Variants in LRIG1 observed in about 807,000 individuals in gnomAD.
LRIG1 encodes leucine rich repeats and immunoglobulin like domains 1.
In LRIG1, 48 loss-of-function variants were observed where a neutral mutation model predicts 99.2. The ratio of observed to expected loss-of-function variants is 0.48; its 90% CI spans 0.38 to 0.62. The LOEUF is 0.62. Among genes scored for constraint, LRIG1 ranks in the 20% least tolerant of loss-of-function variants. The pLI, the probability that LRIG1 is intolerant of heterozygous loss-of-function variation, is 0.00. For missense variants in LRIG1, 1,646 were observed against 1,434.4 expected, an observed-to-expected ratio of 1.15 and a Z score of -2.38; for synonymous variants, 772 against 596.1, an observed-to-expected ratio of 1.29 and a Z score of -4.30.
Position 66,380,210 on chromosome 3 carries a change from C to CT in LRIG1, c.*52dup. Reference sequence around the variant, plus strand: ...AACCCAAGCTTCCTCGCAGCCTCTCCTACCTCTCTTTCCCGTAGAGATTGG... The same window carrying CT: ...AACCCAAGCTTCCTCGCAGCCTCTCCTTACCTCTCTTTCCCGTAGAGATTGG... On this transcript the variant is annotated 3_prime_UTR_variant, in exon 19 of 19. Transcript: ENST00000273261. 3 of 1,484,138 alleles carry CT rather than the reference C, an allele frequency of 2.0e-6. No individual in the cohort carries two copies. The highest frequency in any genetic ancestry group is 2.8e-6 in the Non-Finnish European group (3 of 1,087,154). 91.9% of individuals were successfully genotyped at this position (1,484,138 alleles called of 1,614,324 possible). A position where few individuals can be genotyped will look rare whatever the true frequency, so the allele number is the denominator to read the frequency against.
Position 66,380,765 on chromosome 3 carries a change from C to T in LRIG1, c.2867G>A (p.Ser956Asn), listed in dbSNP as rs749143043. ...GCCATTTGGCGCACTTGGCTGTGCG[C>T]TGTCTCTGGACACAGGCTGGGGGTG... ...AFHPQPVSRD[S>N]AQPSAPNGPE... The change falls in exon 18 of 19, where the codon AGC becomes AAC. Residue 956 changes from serine (S) to asparagine (N), a missense_variant. Transcript: ENST00000273261. The T allele has an allele frequency of 3.1e-6, 5 of 1,614,252 alleles. No individual in the cohort carries two copies. The highest frequency in any genetic ancestry group is 3.4e-6 in the Non-Finnish European group (4 of 1,180,038).
At chr3:66,425,706 G>A (rs1000607015) in intron 3 of LRIG1, among the ~76,000 whole-genome samples, 5 of 152,144 alleles carry the variant, frequency 3.3e-5, no homozygotes, top group African/African-American at 1.2e-4. Context: ...TGGGGACCGG[G>A]GGAAGTGTGT....
rs139838731 is a variant in LRIG1 at position 66,490,132 on chromosome 3, T to C, written c.218+10058A>G. On this transcript the variant is annotated intron_variant, in intron 1 of 18. Coordinates refer to ENST00000273261, the MANE Select transcript of LRIG1 (RefSeq NM_015541.3). Reference sequence around the variant, plus strand: ...CATAGAAGAGTCTCTGATTTTTCCATTGGGTAAAGCATAGCCCTGGATAAG... The same window carrying C: ...CATAGAAGAGTCTCTGATTTTTCCACTGGGTAAAGCATAGCCCTGGATAAG... 3.8e-3 allele frequency among the ~76,000 whole-genome samples: 582 copies of C among 152,320 alleles called. 3 individuals are homozygous for C. The highest frequency in any genetic ancestry group is 0.013 in the African/African-American group (530 of 41,588).
At chr3:66,438,142 C>T (rs1703420006) in intron 3 of LRIG1, among the ~76,000 whole-genome samples, 1 of 152,146 alleles carries the variant, frequency 6.6e-6, no homozygotes, top group African/African-American at 2.4e-5. Flanking sequence ...CTTGGGGAAC[C>T]CCTGTAGAGA....
At chr3:66,394,838 C>T (rs1280790029) in intron 11 of LRIG1, among the ~76,000 whole-genome samples, 1 of 152,222 alleles carries the variant, frequency 6.6e-6, no homozygotes, top group Non-Finnish European at 1.5e-5. Flanking sequence ...TTGATCTTTG[C>T]ACCAGTATTC....
At chr3:66,496,705 T>C (rs1345436506) in intron 1 of LRIG1, among the ~76,000 whole-genome samples, 10 of 152,110 alleles carry the variant, frequency 6.6e-5, no homozygotes, top group Non-Finnish European at 1.5e-4. Flanking sequence ...GAGAAGGAAA[T>C]ATTTCAGGAC....
intron 12 of LRIG1, chr3:66,386,927 G>A (rs1011410742): frequency 1.3e-5 from 2 of 151,668 alleles, no homozygotes; most frequent in Non-Finnish European, 2.9e-5. Context: ...CAGCTCCATG[G>A]TAGCCTTGAA....
intron 3 of LRIG1, 30 bp downstream of exon 3, chr3:66,451,529 G>A (rs1250589220): frequency 3.7e-6 from 6 of 1,608,080 alleles, no homozygotes; most frequent in Non-Finnish European, 5.1e-6. Context: ...CCACCACACA[G>A]CCCAGAGTCC....
rs1463911171 is a variant in LRIG1, at chr3:66,386,276, G to A, written c.1494C>T (p.Ile498=). The change falls in exon 13 of 19, where the codon ATC becomes ATT. Residue 498 remains isoleucine (I), a synonymous_variant. Transcript: ENST00000273261. ...TAGCCATGGTGGTTTCTGGCTGGGT[G>A]ATGATCTGTGGCTTCAGGAAGTCAT... ...VCDDFLKPQI[I]TQPETTMAMV... The A allele has an allele frequency of 3.7e-6, 6 of 1,614,082 alleles. No homozygotes were observed. The highest frequency in any genetic ancestry group is 4.5e-5 in the East Asian group (2 of 44,880).
intron 3 of LRIG1, among the ~76,000 whole-genome samples, chr3:66,444,940 T>A (rs1703667152): frequency 6.6e-6 from 1 of 151,636 alleles, no homozygotes; most frequent in Non-Finnish European, 1.5e-5. Context: ...TATATACACA[T>A]ATATATACGT....
intron 3 of LRIG1, among the ~76,000 whole-genome samples, chr3:66,443,555 G>A (rs1228054554): frequency 6.6e-6 from 1 of 152,100 alleles, no homozygotes; most frequent in Admixed American, 6.5e-5. Context: ...CAGCTAAAAT[G>A]TCACTTCATC....
intron 1 of LRIG1, among the ~76,000 whole-genome samples, chr3:66,467,777 G>A (rs1381193337): frequency 6.6e-6 from 1 of 152,212 alleles, no homozygotes. Context: ...ACTGTGCTGT[G>A]TCTGAATTAC....
intron 3 of LRIG1, among the ~76,000 whole-genome samples, chr3:66,446,460 C>T (rs1395501602): frequency 7.0e-6 from 1 of 143,592 alleles, no homozygotes; most frequent in African/African-American, 2.6e-5. Context: ...GGCTAGAGTG[C>T]AATGGTGCGA....
intron 11 of LRIG1, among the ~76,000 whole-genome samples, chr3:66,396,728 T>C (rs953589935): frequency 4.6e-5 from 7 of 152,202 alleles, no homozygotes; most frequent in Admixed American, 6.5e-5. Flanking sequence ...CTTCTTCCCG[T>C]TTAAATTGAA....
At chr3:66,468,402 T>C (rs9847455) in intron 1 of LRIG1, among the ~76,000 whole-genome samples, 7,528 of 152,270 alleles carry the variant, frequency 0.049, 601 homozygotes, top group African/African-American at 0.17. Context: ...GTGGAAGGAA[T>C]TGGTCCTAAA....
At chr3:66,405,411 G>T in intron 8 of LRIG1, 133 bp from the exon 9 acceptor site, 1 of 720,248 alleles carries the variant, frequency 1.4e-6, no homozygotes, top group East Asian at 2.7e-5. Flanking sequence ...GGGACGTAGG[G>T]TGAAGAGACA....
intron 3 of LRIG1, among the ~76,000 whole-genome samples, chr3:66,428,683 T>C (rs1416278914): frequency 3.3e-5 from 5 of 152,248 alleles, no homozygotes; most frequent in Non-Finnish European, 7.3e-5. Flanking sequence ...AGAATGACAG[T>C]TGAAACCATT....
rs1701576738 is a variant in LRIG1 at position 66,390,488 on chromosome 3, A to G, written c.1468+3552T>C. Among the ~76,000 whole-genome samples the G allele has an allele frequency of 1.3e-5, 2 of 152,242 alleles. 1 individual carries two copies. Among genetic ancestry groups the G allele is most frequent in the Non-Finnish European group, 2.9e-5 (2 of 68,028 alleles). On this transcript the variant is annotated intron_variant, in intron 12 of 18. Transcript: ENST00000273261. ...AAGAAGCTAAGAAAAAAGGGTGGAC[A>G]GCCCATCTTCATGGATTGGGAAGAC... is the stretch of plus-strand genomic sequence containing the variant.
chr3:66,486,244 T>A (rs1289687120), intron 1 of LRIG1, among the ~76,000 whole-genome samples: 4 of 152,168 alleles, frequency 2.6e-5, no homozygotes, highest in Non-Finnish European at 2.9e-5. Flanking sequence ...ATATTTCATT[T>A]TTTTCCTTAT....
Sources: gnomAD v4.1 joint callset for allele counts (sites outside exome capture counted in the v4.1 genomes callset) on GRCh38, gnomAD v4.1.1 for gene constraint, MANE v1.5 for transcripts, NCBI Gene and HGNC (gene_info 2026-07-23, HGNC 2026-07-21) for gene names.